Variants in CPQ observed in about 807,000 individuals in gnomAD.
The protein encoded by CPQ is Ser-Met dipeptidase.
Under a neutral mutation model 45.7 loss-of-function variants are expected in CPQ, and 37 were observed. The ratio of observed to expected loss-of-function variants is 0.81; its 90% CI spans 0.62 to 1.07. CPQ has a LOEUF of 1.07. Ranked by LOEUF, CPQ falls within the 50% of genes least tolerant of loss-of-function variation. The pLI is 0.00. For missense variants in CPQ, 537 were observed against 572.9 expected (o/e 0.94, Z 0.64); for synonymous variants, 186 against 205.8 (o/e 0.90, Z 0.82).
chr8:96,666,568 A>G (rs1255635760), intron 1 of CPQ, among the ~76,000 whole-genome samples: 1 of 152,068 alleles, frequency 6.6e-6, no homozygotes, highest in Non-Finnish European at 1.5e-5. Flanking sequence ...TACCCTAAAG[A>G]AAATAAAGCC....
At chr8:96,701,095 A>G (rs1181581730) in intron 1 of CPQ, among the ~76,000 whole-genome samples, 3 of 152,220 alleles carry the variant, frequency 2.0e-5, no homozygotes, top group African/African-American at 7.2e-5. Flanking sequence ...CATCAAATAC[A>G]GACTGTACAA....
At chr8:96,870,079 T>A (rs921722570) in intron 3 of CPQ, among the ~76,000 whole-genome samples, 2 of 152,046 alleles carry the variant, frequency 1.3e-5, no homozygotes, top group African/African-American at 4.8e-5. Flanking sequence ...TATAGAAGAA[T>A]ATACAAAATA....
intron 4 of CPQ, among the ~76,000 whole-genome samples, chr8:96,932,501 C>G (rs574740582): frequency 6.6e-6 from 1 of 152,146 alleles, no homozygotes; most frequent in Non-Finnish European, 1.5e-5. Flanking sequence ...TTTAATTATA[C>G]GAACTAGAGT....
intron 7 of CPQ, among the ~76,000 whole-genome samples, chr8:97,084,812 CTG>C (rs140213784): frequency 1.3e-3 from 194 of 150,430 alleles, no homozygotes; most frequent in Middle Eastern, 3.4e-3. Context: ...TGTGTATACT[CTG>C]TGTGTGTGTG....
At chr8:96,692,043 A>G (rs1244722880) in intron 1 of CPQ, among the ~76,000 whole-genome samples, 2 of 152,214 alleles carry the variant, frequency 1.3e-5, no homozygotes, top group Non-Finnish European at 2.9e-5. Flanking sequence ...CAGTTCTGGA[A>G]AACAGTAAGG....
chr8:96,836,850 G>A (rs1811537703), intron 3 of CPQ, among the ~76,000 whole-genome samples: 1 of 151,192 alleles, frequency 6.6e-6, no homozygotes, highest in South Asian at 2.1e-4. Context: ...CTACAACTTA[G>A]GAGTACCAGT....
At chr8:96,890,241 G>A (rs920586558) in intron 4 of CPQ, among the ~76,000 whole-genome samples, 13 of 152,198 alleles carry the variant, frequency 8.5e-5, no homozygotes, top group African/African-American at 2.9e-4. Flanking sequence ...TTTTCTTAGT[G>A]CAAGTGTATA....
rs146040135 is a variant in CPQ at position 96,984,036 on chromosome 8, A to G, written c.961+17990A>G. ...CTTTTTTTCTCCTTGTTTGCTTTCT[A>G]TTGGATTCAGTGGTTTTTCTTACCC... On this transcript the variant is annotated intron_variant, in intron 5 of 7. Coordinates refer to ENST00000220763, the MANE Select transcript of CPQ (RefSeq NM_016134.4). 1.2e-4 allele frequency among the ~76,000 whole-genome samples: 18 copies of G among 151,876 alleles called. No homozygotes were observed. In the East Asian group the frequency reaches 2.3e-3, roughly 20 times the overall value.
chr8:96,907,290 A>G (rs1029405643), intron 4 of CPQ, among the ~76,000 whole-genome samples: 3 of 152,128 alleles, frequency 2.0e-5, no homozygotes, highest in Non-Finnish European at 1.5e-5. Context: ...GTCACGTAGG[A>G]CACTGCCATC....
chr8:96,880,111 C>T lies in CPQ; in HGVS notation c.849+106C>T, dbSNP rs1750365755. The T allele has an allele frequency of 6.4e-6, 6 of 937,624 alleles. No individual in the cohort carries two copies. The Admixed American group carries it at 7.0e-5, about 11-fold the overall frequency. The allele number at this position is 937,624 out of a possible 1,614,324, so 58.1% of individuals were successfully genotyped here. On this transcript the variant is annotated intron_variant, in intron 4 of 7. Transcript: ENST00000220763. ...AACGTGAAACCACCTAGATGGTCCT[C>T]ATAGATTCGTTGAAGGCAGAAGCTT... is the stretch of plus-strand genomic sequence containing the variant.
chr8:96,760,095 T>C (rs1211026074), intron 1 of CPQ, among the ~76,000 whole-genome samples: 1 of 152,172 alleles, frequency 6.6e-6, no homozygotes, highest in Non-Finnish European at 1.5e-5. Context: ...GACTGAGCTA[T>C]GAAGATATTC....
intron 1 of CPQ, among the ~76,000 whole-genome samples, chr8:96,743,184 C>A (rs1489473134): frequency 6.6e-6 from 1 of 152,036 alleles, no homozygotes; most frequent in African/African-American, 2.4e-5. Flanking sequence ...TCTTTTTATT[C>A]TTTTTTCTCT....
intron 2 of CPQ, among the ~76,000 whole-genome samples, chr8:96,798,064 G>A (rs932072633): frequency 6.7e-6 from 1 of 149,842 alleles, no homozygotes; most frequent in African/African-American, 2.5e-5. Flanking sequence ...AAAAAAAAAA[G>A]TTAAAGTAGG....
At chr8:96,983,744 CCTT>C (rs1259057941) in intron 5 of CPQ, among the ~76,000 whole-genome samples, 2 of 151,464 alleles carry the variant, frequency 1.3e-5, no homozygotes, top group Admixed American at 6.6e-5. Flanking sequence ...AGCCAAAAGA[CCTT>C]CTTTATCCTT....
chr8:96,663,558 G>C (rs1241528395), intron 1 of CPQ, among the ~76,000 whole-genome samples: 1 of 152,222 alleles, frequency 6.6e-6, no homozygotes, highest in Non-Finnish European at 1.5e-5. Flanking sequence ...TCCAGGCTGT[G>C]AGCACTTTTC....
At chr8:96,739,777 T>C (rs1174453780) in intron 1 of CPQ, among the ~76,000 whole-genome samples, 3 of 151,022 alleles carry the variant, frequency 2.0e-5, no homozygotes, top group Admixed American at 6.6e-5. Context: ...GTTGTAGATA[T>C]GTGGCATTAT....
rs1332475769 is a variant in CPQ at position 97,014,414 on chromosome 8, G to A, written c.962-14989G>A. On this transcript the variant is annotated intron_variant, in intron 5 of 7. Coordinates refer to ENST00000220763, the MANE Select transcript of CPQ (RefSeq NM_016134.4). Reference sequence around the variant, plus strand: ...ACCTGTAATCCCAGCAATTTGGGAGGCCGAGGCGGGCAGATCACTTGAGGT... The same window carrying A: ...ACCTGTAATCCCAGCAATTTGGGAGACCGAGGCGGGCAGATCACTTGAGGT... 3.3e-5 allele frequency among the ~76,000 whole-genome samples: 5 copies of A among 152,086 alleles called. No individual in the cohort carries two copies. The South Asian group carries it at 8.3e-4, about 25-fold the overall frequency.
At chr8:97,084,417 G>C (rs1360609614) in intron 7 of CPQ, among the ~76,000 whole-genome samples, 1 of 152,064 alleles carries the variant, frequency 6.6e-6, no homozygotes, top group Non-Finnish European at 1.5e-5. Context: ...TCAGGAAAAG[G>C]TGTCCTATTT....
intron 5 of CPQ, among the ~76,000 whole-genome samples, chr8:96,981,627 T>A (rs942971090): frequency 6.6e-6 from 1 of 152,234 alleles, no homozygotes; most frequent in African/African-American, 2.4e-5. Context: ...GGTAGAGGAA[T>A]CTTTGAACTA....
Sources: allele counts gnomAD v4.1 joint callset (sites outside exome capture counted in the v4.1 genomes callset), GRCh38; gene constraint gnomAD v4.1.1; transcripts MANE v1.5; gene names NCBI Gene and HGNC (gene_info 2026-07-23, HGNC 2026-07-21).